The following SYN3 variants were observed in gnomAD, a reference collection of about 807,000 sequenced individuals.
The protein encoded by SYN3 is synapsin-3.
In SYN3, 35 loss-of-function variants were observed where a neutral mutation model predicts 65.8. The observed-to-expected ratio is 0.53, with a 90% CI of 0.41 to 0.70. The LOEUF is 0.70. Ranked by LOEUF, SYN3 falls within the 30% of genes least tolerant of loss-of-function variation. SYN3 has a pLI of 0.00. For missense variants in SYN3, 680 were observed against 749.0 expected, an observed-to-expected ratio of 0.91 and a Z score of 1.08; for synonymous variants, 270 against 292.9, an observed-to-expected ratio of 0.92 and a Z score of 0.80.
intron 2 of SYN3, among the ~76,000 whole-genome samples, chr22:33,005,710 G>A (rs1200651851): frequency 2.0e-5 from 3 of 152,178 alleles, no homozygotes; most frequent in African/African-American, 7.2e-5. Context: ...GCCAGTACCT[G>A]GGAGAGCTGA....
At chr22:32,909,925 C>T (rs2050008726) in intron 4 of SYN3, among the ~76,000 whole-genome samples, 1 of 152,148 alleles carries the variant, frequency 6.6e-6, no homozygotes, top group African/African-American at 2.4e-5. Context: ...GTCAGACGCA[C>T]ATACAAGCGG....
intron 4 of SYN3, among the ~76,000 whole-genome samples, chr22:32,896,703 T>G (rs137521): frequency 0.21 from 31,415 of 152,192 alleles, 4,062 homozygotes; most frequent in Middle Eastern, 0.32. Flanking sequence ...TCATGAAATC[T>G]AACAACTTTG....
intron 4 of SYN3, among the ~76,000 whole-genome samples, chr22:32,896,143 G>A (rs2049587848): frequency 6.6e-6 from 1 of 152,136 alleles, no homozygotes; most frequent in African/African-American, 2.4e-5. Context: ...AGATATACAT[G>A]TATAATTGAA....
rs1297651532 is a variant in SYN3 at position 32,848,450 on chromosome 22, G to T, written c.711+16465C>A. Among the ~76,000 whole-genome samples, 3 of 152,214 alleles carry T rather than the reference G, an allele frequency of 2.0e-5. No homozygotes were observed. In the East Asian group the frequency reaches 5.8e-4, roughly 29 times the overall value. On this transcript the variant is annotated intron_variant, in intron 6 of 13. Coordinates refer to ENST00000358763, the MANE Select transcript of SYN3 (RefSeq NM_003490.4). ...TGGTCTGTTACCTTATCTAGATCAT[G>T]TGGATGCTAATACTGCCCTTGTAAG...
chr22:32,901,777 T>C (rs1186461016), intron 4 of SYN3, among the ~76,000 whole-genome samples: 2 of 152,236 alleles, frequency 1.3e-5, no homozygotes, highest in Non-Finnish European at 2.9e-5. Context: ...GTCCTGCCAG[T>C]ATTTAAATCC....
intron 6 of SYN3, among the ~76,000 whole-genome samples, chr22:32,691,332 C>T (rs2060658986): frequency 6.6e-6 from 1 of 152,188 alleles, no homozygotes; most frequent in East Asian, 1.9e-4. Flanking sequence ...GGCAGCTGGT[C>T]ACCCTCTTGA....
At chr22:32,641,982 C>G (rs916102191) in intron 6 of SYN3, among the ~76,000 whole-genome samples, 1 of 152,110 alleles carries the variant, frequency 6.6e-6, no homozygotes, top group Admixed American at 6.6e-5. Flanking sequence ...AATCCTCACA[C>G]TGTGCTGGTT....
At chr22:32,909,627 C>CA (rs1569319515) in intron 4 of SYN3, among the ~76,000 whole-genome samples, 1 of 139,606 alleles carries the variant, frequency 7.2e-6, no homozygotes. Context: ...CCCGCCCCCC[C>CA]ACCCCTTACC....
intron 4 of SYN3, among the ~76,000 whole-genome samples, chr22:32,871,595 TTA>T (rs2048851234): frequency 6.6e-6 from 1 of 151,870 alleles, no homozygotes; most frequent in South Asian, 2.1e-4. Context: ...CCATCCTCAT[TTA>T]TTTTATTTTT....
At chr22:32,591,499 T>C (rs1047275906) in intron 7 of SYN3, among the ~76,000 whole-genome samples, 4 of 152,236 alleles carry the variant, frequency 2.6e-5, no homozygotes, top group Non-Finnish European at 4.4e-5. Context: ...TAAGAAGTTC[T>C]GCGCTAAAAG....
intron 1 of SYN3, among the ~76,000 whole-genome samples, chr22:33,027,528 T>C (rs1182089486): frequency 6.6e-6 from 1 of 150,426 alleles, no homozygotes; most frequent in African/African-American, 2.5e-5. Flanking sequence ...ACCCAGGAGG[T>C]AGAGTTTGCA....
intron 6 of SYN3, among the ~76,000 whole-genome samples, chr22:32,749,363 C>T (rs369837805): frequency 1.2e-3 from 162 of 139,984 alleles, no homozygotes; most frequent in Middle Eastern, 4.4e-3. Flanking sequence ...AACATATAGC[C>T]GTGCTCAGTG....
At position 32,518,053 on chromosome 22, in the gene SYN3, G is replaced by C; in HGVS notation, c.1600C>G (p.Pro534Ala). Residue 534 changes from proline to alanine, a missense_variant, in exon 13 of 14, where the codon CCG (proline) becomes GCG (alanine). Pro to Ala is a conservative substitution (Grantham distance 27, BLOSUM62 -1). Coordinates refer to ENST00000358763, the MANE Select transcript of SYN3 (RefSeq NM_003490.4). The stretch of plus-strand genomic sequence containing the variant: ...TCCCAAAGCACTTACTTGAGATGCG[G>C]ATGGGGTGGTGCTGGCTTCTTGGAC... ...EESKKPAPPHPHLNKSQSLTN... is the reference protein window; with the variant it reads ...EESKKPAPPHAHLNKSQSLTN... 6.6e-7 allele frequency: 1 copy of C among 1,520,668 alleles called. No individual in the cohort carries two copies. Among genetic ancestry groups the C allele is most frequent in the Non-Finnish European group, 8.8e-7 (1 of 1,136,642 alleles). 94.2% of individuals were successfully genotyped at this position (1,520,668 alleles called of 1,614,324 possible). A position where few individuals can be genotyped will look rare whatever the true frequency, so the allele number is the denominator to read the frequency against.
intron 6 of SYN3, among the ~76,000 whole-genome samples, chr22:32,753,362 C>A (rs1002982932): frequency 6.6e-6 from 1 of 152,190 alleles, no homozygotes; most frequent in African/African-American, 2.4e-5. Flanking sequence ...CAACTCCTGA[C>A]TCAGGCTGTC....
At chr22:32,746,767 G>T (rs2044945311) in intron 6 of SYN3, among the ~76,000 whole-genome samples, 1 of 152,206 alleles carries the variant, frequency 6.6e-6, no homozygotes, top group African/African-American at 2.4e-5. Flanking sequence ...GGTGCCCAGG[G>T]CCCAGGGCCT....
At chr22:32,515,943 C>T (rs957444645) in intron 13 of SYN3, among the ~76,000 whole-genome samples, 7 of 152,132 alleles carry the variant, frequency 4.6e-5, no homozygotes, top group East Asian at 1.9e-4. Context: ...GGACTACAGG[C>T]GCACGCTGCC....
At chr22:32,997,104 C>A (rs2145749007) in intron 2 of SYN3, among the ~76,000 whole-genome samples, 1 of 152,330 alleles carries the variant, frequency 6.6e-6, no homozygotes, top group Non-Finnish European at 1.5e-5. Flanking sequence ...GGTGCCCAGG[C>A]TAGCCCTTTG....
intron 6 of SYN3, among the ~76,000 whole-genome samples, chr22:32,697,248 T>A (rs1476483719): frequency 6.6e-6 from 1 of 152,130 alleles, no homozygotes; most frequent in South Asian, 2.1e-4. Context: ...GGAGGAAACA[T>A]CAACAGAAAT....
chr22:32,656,650 A>G (rs2060145571), intron 6 of SYN3, among the ~76,000 whole-genome samples: 11 of 152,164 alleles, frequency 7.2e-5, no homozygotes. Context: ...CAGAATTTCT[A>G]AATTATTTTA....
Sources: allele counts gnomAD v4.1 joint callset (sites outside exome capture counted in the v4.1 genomes callset), GRCh38; gene constraint gnomAD v4.1.1; transcripts MANE v1.5; gene names NCBI Gene and HGNC (gene_info 2026-07-23, HGNC 2026-07-21).